The following PBX1 variants were observed in gnomAD, a reference collection of about 807,000 sequenced individuals.
PBX1 encodes pre-B-cell leukemia transcription factor 1.
Under a neutral mutation model 53.4 loss-of-function variants are expected in PBX1, and 6 were observed. That is an observed-to-expected ratio of 0.11 (90% CI 0.06 to 0.22). The LOEUF is 0.22. PBX1 is among the 10% of genes least tolerant of loss of function. The pLI, the probability that PBX1 is intolerant of heterozygous loss-of-function variation, is 1.00. For missense variants in PBX1, 251 were observed against 551.4 expected (o/e 0.46, Z 5.46); for synonymous variants, 204 against 212.3 (o/e 0.96, Z 0.34).
intron 8 of PBX1, among the ~76,000 whole-genome samples, chr1:164,837,086 A>C (rs1354084855): frequency 1.3e-5 from 2 of 152,162 alleles, no homozygotes; most frequent in Non-Finnish European, 2.9e-5. Flanking sequence ...TAAGGGGTTT[A>C]GCTTCCTGTG....
chr1:164,835,608 T>TC (rs1670999386), intron 8 of PBX1, among the ~76,000 whole-genome samples: 1 of 152,230 alleles, frequency 6.6e-6, no homozygotes, highest in South Asian at 2.1e-4. Flanking sequence ...TTGTACATAT[T>TC]CTGGAAATGT....
At chr1:164,811,292 G>A (rs1228528978) in intron 5 of PBX1, among the ~76,000 whole-genome samples, 1 of 152,126 alleles carries the variant, frequency 6.6e-6, no homozygotes, top group Non-Finnish European at 1.5e-5. Context: ...ACCACATGAA[G>A]GAAATAAATT....
intron 2 of PBX1, among the ~76,000 whole-genome samples, chr1:164,586,087 C>T (rs1325630920): frequency 6.6e-6 from 1 of 152,192 alleles, no homozygotes; most frequent in Non-Finnish European, 1.5e-5. Flanking sequence ...CTGTACTACA[C>T]ACATGTTGAA....
intron 2 of PBX1, among the ~76,000 whole-genome samples, chr1:164,677,141 G>A (rs1230837543): frequency 2.0e-5 from 3 of 147,752 alleles, no homozygotes; most frequent in Non-Finnish European, 4.4e-5. Flanking sequence ...GCCGGACTGC[G>A]GACTGCAGTG....
At chr1:164,601,924 G>T (rs1656205320) in intron 2 of PBX1, among the ~76,000 whole-genome samples, 1 of 152,206 alleles carries the variant, frequency 6.6e-6, no homozygotes, top group African/African-American at 2.4e-5. Flanking sequence ...TGAGAGCAGA[G>T]ACCAGCTTCC....
At chr1:164,569,248 G>A (rs981372993) in intron 2 of PBX1, among the ~76,000 whole-genome samples, 2 of 152,124 alleles carry the variant, frequency 1.3e-5, no homozygotes, top group African/African-American at 4.8e-5. Context: ...CTTCTTAACT[G>A]TCTGGCCTTA....
intron 2 of PBX1, among the ~76,000 whole-genome samples, chr1:164,786,716 T>TGC (rs779103356): frequency 4.5e-4 from 45 of 99,336 alleles, no homozygotes; most frequent in African/African-American, 1.8e-3. Context: ...TGTGTGTGTG[T>TGC]GTGTGCGCGC....
chr1:164,701,074 C>G (rs903180959), intron 2 of PBX1, among the ~76,000 whole-genome samples: 11 of 151,996 alleles, frequency 7.2e-5, no homozygotes, highest in African/African-American at 2.7e-4. Flanking sequence ...ACAATATATG[C>G]GTGTCAGATA....
chr1:164,622,764 T>TCACACA (rs139737020), intron 2 of PBX1, among the ~76,000 whole-genome samples: 99 of 149,360 alleles, frequency 6.6e-4, no homozygotes, highest in African/African-American at 2.2e-3. Context: ...TGGTGTGTGC[T>TCACACA]CACACACACA....
chr1:164,833,728 C>T (rs1670882416), intron 8 of PBX1, among the ~76,000 whole-genome samples: 1 of 151,920 alleles, frequency 6.6e-6, no homozygotes, highest in African/African-American at 2.4e-5. Context: ...CAAAGTGAGC[C>T]TAGTTGAACC....
chr1:164,670,286 G>A (rs1171775244), intron 2 of PBX1, among the ~76,000 whole-genome samples: 1 of 152,306 alleles, frequency 6.6e-6, no homozygotes. Flanking sequence ...AAGAAGTGCT[G>A]GGGAGGAACC....
chr1:164,681,760 A>G (rs1020256928), intron 2 of PBX1, among the ~76,000 whole-genome samples: 2 of 152,176 alleles, frequency 1.3e-5, no homozygotes, highest in East Asian at 1.9e-4. Context: ...AATAATTCAT[A>G]CACCCATCCC....
chr1:164,795,998 A>G (rs1668765785), intron 3 of PBX1, among the ~76,000 whole-genome samples: 1 of 151,792 alleles, frequency 6.6e-6, no homozygotes, highest in African/African-American at 2.4e-5. Context: ...AGGTTATTAA[A>G]GAAAGAAGTC....
At position 164,559,667 on chromosome 1, in the gene PBX1, A is replaced by AT. The variant is rs1318672701; in HGVS notation, c.-146dup. 2,161 of 298,390 alleles carry AT rather than the reference A, an allele frequency of 7.2e-3. 2 individuals carry two copies. Among genetic ancestry groups the AT allele is most frequent in the Middle Eastern group, 0.018 (17 of 938 alleles). The allele number at this position is 298,390 out of a possible 1,614,324, so 18.5% of individuals were successfully genotyped here. A position where few individuals can be genotyped will look rare whatever the true frequency, so the allele number is the denominator to read the frequency against. On this transcript the variant is annotated 5_prime_UTR_variant, in exon 1 of 9. Coordinates refer to ENST00000420696, the MANE Select transcript of PBX1 (RefSeq NM_002585.4). ...CACCATCCTCTAAAGAGGCAAAGGG[A>AT]TTTTTTTTTTCTTTTGGTCTTCTTT...
chr1:164,832,086 A>T (rs888720158), intron 8 of PBX1, among the ~76,000 whole-genome samples: 5 of 152,200 alleles, frequency 3.3e-5, no homozygotes, highest in Non-Finnish European at 5.9e-5. Flanking sequence ...TTACCTCACT[A>T]TTACATTTTT....
chr1:164,881,003 C>G (rs1273235769), intron 2 of PBX1, among the ~76,000 whole-genome samples: 1 of 152,196 alleles, frequency 6.6e-6, no homozygotes, highest in Non-Finnish European at 1.5e-5. Context: ...CCTTGGTGGT[C>G]TGATCTCCTA....
intron 2 of PBX1, among the ~76,000 whole-genome samples, chr1:164,635,538 A>G (rs1187865176): frequency 1.3e-5 from 2 of 152,232 alleles, no homozygotes; most frequent in African/African-American, 4.8e-5. Context: ...ATCAACATTT[A>G]TTCGTCTCTT....
chr1:164,764,972 AT>A (rs1276211646), intron 2 of PBX1, among the ~76,000 whole-genome samples: 3 of 152,068 alleles, frequency 2.0e-5, no homozygotes, highest in Admixed American at 2.0e-4. Context: ...TCTCCTGTGA[AT>A]TGGTCTTCTT....
In PBX1 at chr1:164,560,002, G is replaced by A; in HGVS notation, c.180G>A (p.Glu60=). 1 of 1,441,076 alleles carries A rather than the reference G, an allele frequency of 6.9e-7. No homozygotes were observed. Among genetic ancestry groups the A allele is most frequent in the East Asian group, 2.9e-5 (1 of 34,712 alleles). The allele number at this position is 1,441,076 out of a possible 1,614,324, so 89.3% of individuals were successfully genotyped here. The change falls in exon 1 of 9, where the codon GAG becomes GAA. Residue 60 remains glutamate (E), a synonymous_variant. Coordinates refer to ENST00000420696, the MANE Select transcript of PBX1 (RefSeq NM_002585.4). ...IMTITDQSLD[E]AQARKHALNC... is the part of the protein sequence containing the mutation. ...CCATCACAGACCAGAGTTTGGATGA[G>A]GCGCAGGCCAGGTGAGATGGAGGCT...
Sources: allele counts gnomAD v4.1 joint callset (sites outside exome capture counted in the v4.1 genomes callset), GRCh38; gene constraint gnomAD v4.1.1; transcripts MANE v1.5; gene names NCBI Gene and HGNC (gene_info 2026-07-23, HGNC 2026-07-21).